LRGUK: variants seen among roughly 807,000 people sequenced by gnomAD.
The protein encoded by LRGUK is leucine-rich repeat and guanylate kinase domain-containing protein.
In LRGUK, 65 loss-of-function variants were observed where a neutral mutation model predicts 76.0. The observed-to-expected ratio is 0.85, with a 90% CI of 0.70 to 1.05. LRGUK has a LOEUF of 1.05. LRGUK is among the 50% of genes least tolerant of loss of function. LRGUK has a pLI of 0.00. For synonymous variants in LRGUK, 268 were observed against 265.6 expected (o/e 1.01, Z -0.09); for missense variants, 758 against 732.8 (o/e 1.03, Z -0.40).
chr7:134,177,157 A>C, intron 9 of LRGUK, 94 bp downstream of exon 9: 1 of 689,402 alleles, frequency 1.5e-6, no homozygotes, highest in Non-Finnish European at 2.5e-6. Context: ...TAATCAATAA[A>C]TAAGACACAT....
intron 12 of LRGUK, among the ~76,000 whole-genome samples, chr7:134,193,431 A>G (rs543494715): frequency 1.9e-4 from 29 of 152,210 alleles, no homozygotes; most frequent in African/African-American, 7.0e-4. Flanking sequence ...TCAGTACCCC[A>G]TCTGCTCTCT....
exon 1 of LRGUK, chr7:134,127,464 C>T (rs369154327): frequency 4.3e-6 from 7 of 1,613,894 alleles, no homozygotes; most frequent in South Asian, 2.2e-5. Flanking sequence ...GTTACAGTTT[C>T]GCGCAGAAAA....
chr7:134,179,225 A>T (rs1799634799), intron 10 of LRGUK, among the ~76,000 whole-genome samples: 1 of 152,168 alleles, frequency 6.6e-6, no homozygotes, highest in Non-Finnish European at 1.5e-5. Flanking sequence ...AGAGTCTCTC[A>T]CCTCTGAATT....
At position 134,146,495 on chromosome 7, in the gene LRGUK, G is replaced by A. The variant is rs1797975231; in HGVS notation, c.589-1743G>A. Among the ~76,000 whole-genome samples, 4 of 152,142 alleles carry A rather than the reference G, an allele frequency of 2.6e-5. No individual in the cohort carries two copies. The South Asian group carries it at 8.3e-4, about 32-fold the overall frequency. On this transcript the variant is annotated intron_variant, in intron 4 of 15. Coordinates refer to ENST00000645682, the Ensembl canonical transcript of LRGUK. ...GAATGTTAAACTCCATTTACATCAT[G>A]CCAAACTGACTTATTTCATAGTATG...
At chr7:134,193,388 G>A (rs1352061909) in intron 12 of LRGUK, among the ~76,000 whole-genome samples, 1 of 152,112 alleles carries the variant, frequency 6.6e-6, no homozygotes, top group Non-Finnish European at 1.5e-5. Context: ...TAGAGTATGA[G>A]GCAATTTTTT....
intron 7 of LRGUK, among the ~76,000 whole-genome samples, chr7:134,167,216 A>T (rs1799031298): frequency 6.6e-6 from 1 of 152,182 alleles, no homozygotes; most frequent in Non-Finnish European, 1.5e-5. Context: ...GGATACCCTG[A>T]TCTGCTCAGC....
intron 6 of LRGUK, among the ~76,000 whole-genome samples, chr7:134,161,456 A>G (rs1026253025): frequency 6.6e-6 from 1 of 152,062 alleles, no homozygotes; most frequent in Non-Finnish European, 1.5e-5. Context: ...ATATATAAAA[A>G]TAAGAAGAAT....
intron 11 of LRGUK, among the ~76,000 whole-genome samples, chr7:134,191,325 A>C (rs370061820): frequency 4.7e-4 from 72 of 152,282 alleles, no homozygotes; most frequent in African/African-American, 1.7e-3. Context: ...TAAACACGAA[A>C]GCAGGTGGGT....
intron 12 of LRGUK, among the ~76,000 whole-genome samples, chr7:134,196,762 G>T (rs1321844822): frequency 6.6e-6 from 1 of 152,034 alleles, no homozygotes; most frequent in Admixed American, 6.5e-5. Flanking sequence ...CATTTTGTCA[G>T]CAAATTATTT....
chr7:134,132,832 C>A (rs1696278872), intron 1 of LRGUK, among the ~76,000 whole-genome samples: 1 of 152,086 alleles, frequency 6.6e-6, no homozygotes, highest in Admixed American at 6.5e-5. Flanking sequence ...GACAGGTGCT[C>A]CTAGGAAGCT....
chr7:134,163,268 G>A (rs1290980873), intron 6 of LRGUK, 129 bp from the exon 7 acceptor site: 30 of 725,932 alleles, frequency 4.1e-5, no homozygotes, highest in Non-Finnish European at 1.1e-5. Flanking sequence ...ATGGGATGGA[G>A]GGAAGGACAA....
chr7:134,144,346 C>T (rs1797886307), intron 4 of LRGUK, among the ~76,000 whole-genome samples: 1 of 152,114 alleles, frequency 6.6e-6, no homozygotes, highest in Non-Finnish European at 1.5e-5. Context: ...ACCATGTAGC[C>T]CAGGCTGGTC....
chr7:134,166,407 C>G (rs1798984717), intron 7 of LRGUK, among the ~76,000 whole-genome samples: 1 of 152,070 alleles, frequency 6.6e-6, no homozygotes, highest in South Asian at 2.1e-4. Flanking sequence ...AAAACATATC[C>G]CAAGCTGTTA....
intron 16 of LRGUK, among the ~76,000 whole-genome samples, chr7:134,239,369 A>C (rs1169364241): frequency 6.6e-6 from 1 of 152,184 alleles, no homozygotes; most frequent in Non-Finnish European, 1.5e-5. Context: ...CACTTTTCCA[A>C]CGGCCTTAGC....
At chr7:134,221,791 C>T in exon 16 of LRGUK, 1 of 1,537,222 alleles carries the variant, frequency 6.5e-7, no homozygotes, top group Non-Finnish European at 8.7e-7. Context: ...GTTAAGACAT[C>T]CCACCTGAAA....
At chr7:134,204,927 G>A (rs1025098746) in intron 15 of LRGUK, among the ~76,000 whole-genome samples, 12 of 152,172 alleles carry the variant, frequency 7.9e-5, no homozygotes, top group Admixed American at 3.3e-4. Flanking sequence ...CAGTGGGTTC[G>A]TGGTCTTGCT....
Position 134,127,660 on chromosome 7 carries a change from T to C in LRGUK, c.293T>C (p.Leu98Ser), listed in dbSNP as rs141073073. 16 of 1,611,804 alleles carry C rather than the reference T, an allele frequency of 9.9e-6. No individual in the cohort carries two copies. In the African/African-American group the frequency reaches 2.0e-4, roughly 20 times the overall value. ...TCCTCAGAGTCCGAAATGCTGAATT[T>C]GGAGGTGTGTCTTCCCCCCCACCCC... Residue 98 changes from leucine (L) to serine (S), a missense_variant, in exon 1 of 16, where the codon TTG (leucine) becomes TCG (serine). Leu to Ser is a moderately radical substitution (Grantham distance 145). Transcript: ENST00000645682.
chr7:134,177,088 C>A, intron 9 of LRGUK, 25 bp downstream of exon 9: 1 of 1,443,186 alleles, frequency 6.9e-7, no homozygotes, highest in Non-Finnish European at 9.6e-7. Context: ...CATAACATTA[C>A]CATTGTGTTA....
At chr7:134,247,490 A>G (rs766261721) in intron 16 of LRGUK, 66 bp from the exon 17 acceptor site, 17 of 1,155,746 alleles carry the variant, frequency 1.5e-5, no homozygotes, top group Non-Finnish European at 1.8e-5. Flanking sequence ...GAGAATTATT[A>G]TAGATGTTTT....
Sources: allele counts gnomAD v4.1 joint callset (sites outside exome capture counted in the v4.1 genomes callset), GRCh38; gene constraint gnomAD v4.1.1; transcripts MANE v1.5; gene names NCBI Gene and HGNC (gene_info 2026-07-23, HGNC 2026-07-21).